KIAA0586: variants seen among roughly 807,000 people sequenced by gnomAD.
The protein encoded by KIAA0586 is protein TALPID3.
In KIAA0586, 144 loss-of-function variants were observed where a neutral mutation model predicts 169.8. That is an observed-to-expected ratio of 0.85 (90% CI 0.74 to 0.97). The LOEUF is 0.97. Ranked by LOEUF, KIAA0586 falls within the 50% of genes least tolerant of loss-of-function variation. KIAA0586 has a pLI of 0.00. For missense variants in KIAA0586, 1,854 were observed against 1,823.0 expected (o/e 1.02, Z -0.31); for synonymous variants, 625 against 612.4 (o/e 1.02, Z -0.30).
chr14:58,541,894 T>C lies in KIAA0586; in HGVS notation c.4495+1758T>C, dbSNP rs117868303. On this transcript the variant is annotated intron_variant, in intron 30 of 30. Coordinates refer to ENST00000652326, the MANE Select transcript of KIAA0586 (RefSeq NM_001329943.3). ...TCTTTTTTATAGACCTGAAAACAGC[T>C]GTTGAAACAATTACATCATAGAGTA... 4.6e-4 allele frequency among the ~76,000 whole-genome samples: 70 copies of C among 152,294 alleles called. 1 individual carries two copies. The East Asian group carries it at 0.011, about 23-fold the overall frequency.
At chr14:58,507,774 A>G (rs2044107531) in intron 27 of KIAA0586, among the ~76,000 whole-genome samples, 1 of 376 alleles carries the variant, frequency 2.7e-3, no homozygotes, top group Non-Finnish European at 0.02. Context: ...GGTGCCATTT[A>G]TTTATTTATT....
Position 58,548,082 on chromosome 14 carries a change from G to A in KIAA0586, c.*150G>A. ...TAAAATAAAACAAAAAGCATAATTT[G>A]GGTATTTAAAGTTTTTAAATAAAAT... is the stretch of plus-strand genomic sequence containing the variant. On this transcript the variant is annotated 3_prime_UTR_variant, in exon 31 of 31. Transcript: ENST00000652326. The A allele has an allele frequency of 1.1e-6, 1 of 943,786 alleles. No individual in the cohort carries two copies. Among genetic ancestry groups the A allele is most frequent in the Non-Finnish European group, 1.5e-6 (1 of 655,404 alleles). 58.5% of individuals were successfully genotyped at this position (943,786 alleles called of 1,614,324 possible).
At chr14:58,560,875 A>G in the KIAA0586 span, among the ~76,000 whole-genome samples, 43 of 152,296 alleles carry the variant, frequency 2.8e-4, no homozygotes, top group East Asian at 7.1e-3. Context: ...TTCTTTTATC[A>G]TTATATGTTG....
intron 9 of KIAA0586, 28 bp downstream of exon 9, chr14:58,453,501 T>C: frequency 6.9e-7 from 1 of 1,447,694 alleles, no homozygotes; most frequent in South Asian, 1.5e-5. Flanking sequence ...GAATGAAAAC[T>C]AGATTGAAAA....
intron 9 of KIAA0586, 42 bp from the exon 10 acceptor site, chr14:58,456,660 T>G (rs1339242427): frequency 9.5e-6 from 11 of 1,158,928 alleles, no homozygotes; most frequent in African/African-American, 1.6e-5. Context: ...AGGAAACTTT[T>G]TCAAAAATCT....
At chr14:58,521,442 C>A in intron 29 of KIAA0586, 1 of 768,500 alleles carries the variant, frequency 1.3e-6, no homozygotes. Flanking sequence ...TGTACAGCTC[C>A]TCTTTTGACT....
chr14:58,440,619 A>G (rs2038249672), intron 4 of KIAA0586, among the ~76,000 whole-genome samples: 2 of 152,238 alleles, frequency 1.3e-5, no homozygotes, highest in Admixed American at 1.3e-4. Flanking sequence ...GGCGTGAGCC[A>G]CTGTGCCTGG....
chr14:58,443,909 G>A (rs1433218876), intron 5 of KIAA0586, 45 bp from the exon 6 acceptor site: 1 of 1,110,502 alleles, frequency 9.0e-7, no homozygotes, highest in African/African-American at 1.6e-5. Context: ...ACATATTTTT[G>A]GTATCCTATA....
In KIAA0586 at chr14:58,496,598, G is replaced by A. The variant is rs929550780; in HGVS notation, c.3991-2185G>A. On this transcript the variant is annotated intron_variant, in intron 26 of 30. Coordinates refer to ENST00000652326, the MANE Select transcript of KIAA0586 (RefSeq NM_001329943.3). ...TTCCTAAAGAAGAGTCAGGCTAAGG[G>A]AATAAGGAGAGATAGAGATGTACAT... Among the ~76,000 whole-genome samples the A allele has an allele frequency of 2.0e-5, 3 of 152,154 alleles. No individual in the cohort carries two copies. The East Asian group carries it at 5.8e-4, about 29-fold the overall frequency.
chr14:58,464,035 A>T, intron 14 of KIAA0586: 1 of 446,752 alleles, frequency 2.2e-6, no homozygotes, highest in South Asian at 1.7e-5. Context: ...CTATGACCAG[A>T]TAATTGGGAG....
At chr14:58,525,953 A>G (rs986321959) in intron 29 of KIAA0586, among the ~76,000 whole-genome samples, 2 of 152,176 alleles carry the variant, frequency 1.3e-5, no homozygotes, top group African/African-American at 4.8e-5. Flanking sequence ...GGAAGTTGGA[A>G]CTGTGTGGAA....
At chr14:58,429,505 A>G in intron 2 of KIAA0586, 72 bp downstream of exon 2, 2 of 848,312 alleles carry the variant, frequency 2.4e-6, no homozygotes, top group Non-Finnish European at 4.1e-6. Flanking sequence ...TTCTTAAATT[A>G]TGTTTGATTA....
At chr14:58,453,275 C>T (rs1185174855) in intron 8 of KIAA0586, 75 bp from the exon 9 acceptor site, 1 of 826,444 alleles carries the variant, frequency 1.2e-6, no homozygotes, top group African/African-American at 1.8e-5. Context: ...GGCCAGAATA[C>T]AAATATGTGA....
At chr14:58,533,914 C>T (rs529430570) in intron 29 of KIAA0586, among the ~76,000 whole-genome samples, 5 of 152,234 alleles carry the variant, frequency 3.3e-5, no homozygotes, top group African/African-American at 9.6e-5. Context: ...TTTCTAGTGG[C>T]TTCCTGTATT....
chr14:58,454,802 T>C (rs1386485572), intron 9 of KIAA0586, among the ~76,000 whole-genome samples: 2 of 152,202 alleles, frequency 1.3e-5, no homozygotes, highest in Non-Finnish European at 2.9e-5. Flanking sequence ...CACATGGTCA[T>C]CCCTCTCTGC....
At chr14:58,451,764 A>G (rs992533199) in intron 8 of KIAA0586, among the ~76,000 whole-genome samples, 2 of 151,364 alleles carry the variant, frequency 1.3e-5, no homozygotes, top group Non-Finnish European at 2.9e-5. Context: ...GCTCACTGCA[A>G]CCTCCGCCTC....
At position 58,490,179 on chromosome 14, in the gene KIAA0586, G is replaced by C. The variant is rs1256817386; in HGVS notation, c.3797G>C (p.Gly1266Ala). 16 of 1,479,862 alleles carry C rather than the reference G, an allele frequency of 1.1e-5. No homozygotes were observed. The highest frequency in any genetic ancestry group is 1.4e-5 in the African/African-American group (1 of 70,654). 91.7% of individuals were successfully genotyped at this position (1,479,862 alleles called of 1,614,324 possible). A position where few individuals can be genotyped will look rare whatever the true frequency, so the allele number is the denominator to read the frequency against. ...TAATTTCTAGTTTTAGAAGATATAG[G>C]ACTGTACCTGACAAACCTTAATGAT... ...KLAPKILEDI[G>A]LYLTNLNDSL... is the part of the protein sequence containing the mutation. Residue 1266 changes from glycine to alanine, a missense_variant, in exon 25 of 31, where the codon GGA (glycine) becomes GCA (alanine). By Grantham distance (60) the Gly-to-Ala change is moderately conservative. Transcript: ENST00000652326.
rs1202207933 is a variant in KIAA0586 at position 58,498,823 on chromosome 14, G to A, written c.4031G>A (p.Arg1344Lys). Residue 1344 changes from arginine to lysine, a missense_variant, in exon 27 of 31, where the codon AGA becomes AAA. Physicochemically the swap from Arg to Lys is conservative, Grantham distance 26. Transcript: ENST00000652326. ...GTGGGTGAACTTAGTGAAGGACAAAGACCCCAGCTAACAGCGGCAGCAGAG... is the reference window on the plus strand; with the variant it reads ...GTGGGTGAACTTAGTGAAGGACAAAAACCCCAGCTAACAGCGGCAGCAGAG... The part of the protein sequence containing the change: ...NSVGELSEGQ[R>K]PQLTAAAENI... 5 of 1,610,598 alleles carry A rather than the reference G, an allele frequency of 3.1e-6. No homozygotes were observed. The highest frequency in any genetic ancestry group is 1.3e-5 in the African/African-American group (1 of 74,870).
intron 13 of KIAA0586, 60 bp from the exon 14 acceptor site, chr14:58,460,926 A>G: frequency 1.6e-6 from 2 of 1,276,216 alleles, no homozygotes; most frequent in Non-Finnish European, 2.1e-6. Flanking sequence ...GGCTTTAGAA[A>G]AATGAGATAA....
Sources: allele counts gnomAD v4.1 joint callset (sites outside exome capture counted in the v4.1 genomes callset), GRCh38; gene constraint gnomAD v4.1.1; transcripts MANE v1.5; gene names NCBI Gene and HGNC (gene_info 2026-07-23, HGNC 2026-07-21).